Variants in ETV6 observed in about 807,000 individuals in gnomAD.
The protein encoded by ETV6 is ETS variant transcription factor 6.
In ETV6, 16 loss-of-function variants were observed where a neutral mutation model predicts 51.1. The observed-to-expected ratio is 0.31, with a 90% confidence interval of 0.21 to 0.48. ETV6 has a LOEUF of 0.48. Among genes scored for constraint, ETV6 ranks in the 20% least tolerant of loss-of-function variants. The pLI, the probability that ETV6 is intolerant of heterozygous loss-of-function variation, is 0.99. For synonymous variants in ETV6, 240 were observed against 224.1 expected (o/e 1.07, Z -0.64); for missense variants, 458 against 594.8 (o/e 0.77, Z 2.39).
intron 1 of ETV6, among the ~76,000 whole-genome samples, chr12:11,735,393 T>C (rs1285638733): frequency 1.3e-5 from 2 of 152,122 alleles, no homozygotes; most frequent in African/African-American, 4.8e-5. Flanking sequence ...CCTAGGGTGA[T>C]TTATTGAATA....
chr12:11,878,663 G>A (rs370845720), intron 5 of ETV6, among the ~76,000 whole-genome samples: 6 of 151,894 alleles, frequency 4.0e-5, no homozygotes, highest in African/African-American at 1.2e-4. Flanking sequence ...CTCCCCCAGC[G>A]TGCCACCGTG....
Position 11,854,805 on chromosome 12 carries a change from A to G in ETV6, c.463+1244A>G, listed in dbSNP as rs372578340. ...AGGAAAGAAAAAAAAACCCAAATCT[A>G]TGAACTCAGTGTTGGGCCAGGGCTT... On this transcript the variant is annotated intron_variant, in intron 4 of 7. Coordinates refer to ENST00000396373, the MANE Select transcript of ETV6 (RefSeq NM_001987.5). 6.3e-4 allele frequency among the ~76,000 whole-genome samples: 96 copies of G among 152,296 alleles called. 1 individual carries two copies. The South Asian group carries it at 0.015, about 24-fold the overall frequency.
intron 5 of ETV6, among the ~76,000 whole-genome samples, chr12:11,871,349 C>A (rs1328717359): frequency 1.3e-5 from 2 of 152,150 alleles, no homozygotes; most frequent in Non-Finnish European, 2.9e-5. Context: ...CCACCATGCC[C>A]GGCTAATTTT....
chr12:11,723,892 G>A (rs908700427), intron 1 of ETV6, among the ~76,000 whole-genome samples: 2 of 151,830 alleles, frequency 1.3e-5, no homozygotes, highest in African/African-American at 4.8e-5. Context: ...AGGTGTCATT[G>A]AGAGTCCCCA....
chr12:11,665,133 G>A (rs1226393411), intron 1 of ETV6, among the ~76,000 whole-genome samples: 1 of 152,198 alleles, frequency 6.6e-6, no homozygotes, highest in East Asian at 1.9e-4. Flanking sequence ...TCAGCCTCCC[G>A]AGTAGCTGAC....
intron 2 of ETV6, among the ~76,000 whole-genome samples, chr12:11,825,477 T>C (rs1946139200): frequency 6.6e-6 from 1 of 152,272 alleles, no homozygotes. Context: ...GCATCGCTCC[T>C]GTCTCTGCCC....
intron 1 of ETV6, among the ~76,000 whole-genome samples, chr12:11,704,762 T>G (rs531499672): frequency 6.6e-6 from 1 of 151,932 alleles, no homozygotes; most frequent in East Asian, 1.9e-4. Context: ...TAGGCAACCA[T>G]TCTCACAGGG....
intron 5 of ETV6, among the ~76,000 whole-genome samples, chr12:11,879,280 T>C (rs1219003009): frequency 6.6e-6 from 1 of 152,208 alleles, no homozygotes. Flanking sequence ...GAACATAAAA[T>C]GACTTTCTTA....
chr12:11,889,791 G>A (rs1464454521), intron 7 of ETV6, among the ~76,000 whole-genome samples: 2 of 152,218 alleles, frequency 1.3e-5, no homozygotes, highest in Non-Finnish European at 2.9e-5. Context: ...TTGACTTGAT[G>A]AGTGGTCATT....
chr12:11,702,177 G>A (rs1864995848), intron 1 of ETV6, among the ~76,000 whole-genome samples: 1 of 152,166 alleles, frequency 6.6e-6, no homozygotes, highest in Non-Finnish European at 1.5e-5. Context: ...AGCATTTTAG[G>A]CCAGAGATGG....
chr12:11,870,517 C>T (rs746162685), intron 5 of ETV6, among the ~76,000 whole-genome samples: 1 of 152,092 alleles, frequency 6.6e-6, no homozygotes, highest in Admixed American at 6.5e-5. Flanking sequence ...TTATAAGAAG[C>T]CCAAATTTGC....
rs533704866 is a variant in ETV6, at chr12:11,892,375, T to C, written c.*1329T>C. 3 of 233,230 alleles carry C rather than the reference T, an allele frequency of 1.3e-5. No individual in the cohort carries two copies. The South Asian group carries it at 5.4e-4, about 42-fold the overall frequency. 14.4% of individuals were successfully genotyped at this position (233,230 alleles called of 1,614,324 possible). On this transcript the variant is annotated 3_prime_UTR_variant, in exon 8 of 8. Coordinates refer to ENST00000396373, the MANE Select transcript of ETV6 (RefSeq NM_001987.5). ...GGAAATTCCTCGGATACATTATTTT[T>C]TCTTTCTTTCATAGCTGTGTCTCAG...
chr12:11,853,917 C>G (rs1946594662), intron 4 of ETV6, among the ~76,000 whole-genome samples: 1 of 152,166 alleles, frequency 6.6e-6, no homozygotes. Flanking sequence ...CACCAGGGAC[C>G]AGTTTTGTGG....
chr12:11,707,045 G>A (rs1176077325), intron 1 of ETV6, among the ~76,000 whole-genome samples: 1 of 152,182 alleles, frequency 6.6e-6, no homozygotes, highest in Non-Finnish European at 1.5e-5. Context: ...GACTCCTTTG[G>A]CTGACTCTGA....
chr12:11,853,343 C>T, intron 3 of ETV6, 84 bp from the exon 4 acceptor site: 2 of 1,538,506 alleles, frequency 1.3e-6, no homozygotes, highest in Non-Finnish European at 1.8e-6. Context: ...TGGCACCGTG[C>T]CAGGCACTTA....
intron 1 of ETV6, among the ~76,000 whole-genome samples, chr12:11,733,154 A>G (rs1330163682): frequency 6.6e-6 from 1 of 152,186 alleles, no homozygotes; most frequent in Admixed American, 6.5e-5. Flanking sequence ...CACGCCTGTA[A>G]TTGCAGCACT....
At chr12:11,681,510 A>G (rs927877418) in intron 1 of ETV6, among the ~76,000 whole-genome samples, 3 of 152,224 alleles carry the variant, frequency 2.0e-5, no homozygotes, top group African/African-American at 7.2e-5. Flanking sequence ...CTTTCAGACC[A>G]CAATTTAGTG....
intron 1 of ETV6, among the ~76,000 whole-genome samples, chr12:11,693,078 A>G (rs1392690960): frequency 1.3e-5 from 2 of 152,118 alleles, no homozygotes; most frequent in African/African-American, 2.4e-5. Flanking sequence ...ATAAAATAGA[A>G]TGCATTATTA....
At chr12:11,788,686 A>C (rs1284060724) in intron 2 of ETV6, among the ~76,000 whole-genome samples, 1 of 150,538 alleles carries the variant, frequency 6.6e-6, no homozygotes, top group Non-Finnish European at 1.5e-5. Context: ...CAGGGCAACC[A>C]CATTCAAATC....
Sources: allele counts gnomAD v4.1 joint callset (sites outside exome capture counted in the v4.1 genomes callset), GRCh38; gene constraint gnomAD v4.1.1; transcripts MANE v1.5; gene names NCBI Gene and HGNC (gene_info 2026-07-23, HGNC 2026-07-21).